The following HEMK2 variants were observed in gnomAD, a reference collection of about 807,000 sequenced individuals.
HEMK2 encodes HemK methyltransferase 2, ETF1 glutamine and histone H4 lysine, also known as methyltransferase HEMK2.
At chr21:28,605,833 T>C in the HEMK2 span, among the ~76,000 whole-genome samples, 9 of 152,184 alleles carry the variant, frequency 5.9e-5, no homozygotes, top group Non-Finnish European at 1.2e-4. Flanking sequence ...GTGCCATAAC[T>C]AGGATGTTTC....
chr21:28,668,900 C>T, the HEMK2 span, among the ~76,000 whole-genome samples: 22 of 152,208 alleles, frequency 1.4e-4, no homozygotes, highest in Admixed American at 1.4e-3. Context: ...TTACCAATCT[C>T]ATCAATAATC....
chr21:28,604,098 A>C, the HEMK2 span, among the ~76,000 whole-genome samples: 15 of 152,342 alleles, frequency 9.8e-5, no homozygotes, highest in Admixed American at 9.8e-4. Flanking sequence ...TCTGATGAGA[A>C]AATTGAGGCT....
chr21:28,662,090 G>A, the HEMK2 span, among the ~76,000 whole-genome samples: 1 of 152,050 alleles, frequency 6.6e-6, no homozygotes, highest in African/African-American at 2.4e-5. Context: ...CTCTAGAGCT[G>A]AGGGAAGGAA....
the HEMK2 span, among the ~76,000 whole-genome samples, chr21:28,681,434 C>T: frequency 6.6e-6 from 1 of 152,056 alleles, no homozygotes; most frequent in Non-Finnish European, 1.5e-5. Context: ...ATTCCATGCT[C>T]ATGGGTAGGA....
chr21:28,836,550 T>G, the HEMK2 span, among the ~76,000 whole-genome samples: 9 of 149,694 alleles, frequency 6.0e-5, no homozygotes, highest in East Asian at 1.8e-3. Context: ...AAAGCATAAA[T>G]CACACAGGAC....
chr21:28,693,812 C>T, the HEMK2 span, among the ~76,000 whole-genome samples: 1 of 152,210 alleles, frequency 6.6e-6, no homozygotes, highest in East Asian at 1.9e-4. Context: ...ACATATATCA[C>T]CTCTTATACA....
At chr21:28,732,544 C>G in the HEMK2 span, among the ~76,000 whole-genome samples, 1 of 152,172 alleles carries the variant, frequency 6.6e-6, no homozygotes. Context: ...ATCAATTTCC[C>G]TCTCTGGGAC....
chr21:28,803,205 C>CA, the HEMK2 span, among the ~76,000 whole-genome samples: 1 of 152,200 alleles, frequency 6.6e-6, no homozygotes. Context: ...CCCTCGATTT[C>CA]ACATACACTT....
chr21:28,880,928 TAAAA>T, the HEMK2 span, among the ~76,000 whole-genome samples: 13 of 104,434 alleles, frequency 1.2e-4, no homozygotes, highest in Admixed American at 6.6e-4. Context: ...ATCATTTATT[TAAAA>T]AAAAAAAAAA....
At chr21:28,751,976 GA>G in the HEMK2 span, among the ~76,000 whole-genome samples, 60 of 142,576 alleles carry the variant, frequency 4.2e-4, no homozygotes, top group African/African-American at 6.8e-4. Context: ...TTTAAGAAAA[GA>G]AAAAAAAAAT....
chr21:28,645,660 T>C, the HEMK2 span, among the ~76,000 whole-genome samples: 2 of 152,188 alleles, frequency 1.3e-5, no homozygotes, highest in Non-Finnish European at 2.9e-5. Context: ...AATGCAATGA[T>C]ATTAGCAGGT....
chr21:28,692,795 T>C, the HEMK2 span, among the ~76,000 whole-genome samples: 1 of 152,256 alleles, frequency 6.6e-6, no homozygotes, highest in East Asian at 1.9e-4. Context: ...TGTGGTATAT[T>C]CAAACAAGAG....
At chr21:28,852,810 G>GT in the HEMK2 span, among the ~76,000 whole-genome samples, 3 of 152,080 alleles carry the variant, frequency 2.0e-5, no homozygotes, top group African/African-American at 7.2e-5. Flanking sequence ...AGTAGGCTTC[G>GT]TATCAATTTA....
the HEMK2 span, among the ~76,000 whole-genome samples, chr21:28,858,967 G>C: frequency 6.6e-6 from 1 of 152,190 alleles, no homozygotes; most frequent in African/African-American, 2.4e-5. Flanking sequence ...TATTTGAGAA[G>C]ACTCTGGGTT....
chr21:28,802,725 C>T, the HEMK2 span, among the ~76,000 whole-genome samples: 6 of 151,940 alleles, frequency 3.9e-5, no homozygotes, highest in Admixed American at 2.0e-4. Flanking sequence ...AGTGAGACTC[C>T]GTCTCGAAAA....
At chr21:28,878,148 T>C in the HEMK2 span, 2 of 1,474,570 alleles carry the variant, frequency 1.4e-6, no homozygotes, top group Non-Finnish European at 1.8e-6. Context: ...TAACTTTTGA[T>C]TTCAGCAACA....
chr21:28,670,215 T>A, the HEMK2 span, among the ~76,000 whole-genome samples: 1 of 152,264 alleles, frequency 6.6e-6, no homozygotes, highest in South Asian at 2.1e-4. Context: ...AAATATACTT[T>A]CTTAAACTAA....
chr21:28,596,817 A>C, the HEMK2 span, among the ~76,000 whole-genome samples: 6 of 152,222 alleles, frequency 3.9e-5, no homozygotes, highest in South Asian at 4.1e-4. Flanking sequence ...ATTTTAAAAG[A>C]AGTGTCTCGA....
the HEMK2 span, chr21:28,875,991 T>C: frequency 1.3e-5 from 2 of 155,648 alleles, no homozygotes; most frequent in Non-Finnish European, 1.4e-5. Context: ...ATGAACTGAA[T>C]TATGACATAG....
Sources: allele counts gnomAD v4.1 joint callset (sites outside exome capture counted in the v4.1 genomes callset), GRCh38; gene constraint gnomAD v4.1.1; transcripts MANE v1.5; gene names NCBI Gene and HGNC (gene_info 2026-07-23, HGNC 2026-07-21).